Variants in SLC3A1 observed in about 807,000 individuals in gnomAD.
The protein encoded by SLC3A1 is solute carrier family 3 member 1, also known as amino acid transporter heavy chain SLC3A1.
Under a neutral mutation model 60.3 loss-of-function variants are expected in SLC3A1, and 78 were observed. That is an observed-to-expected ratio of 1.29 (90% CI 1.08 to 1.56). The LOEUF is 1.56. Among genes scored for constraint, SLC3A1 ranks in the 40% most tolerant of loss-of-function variants. SLC3A1 has a pLI of 0.00. For synonymous variants in SLC3A1, 392 were observed against 307.9 expected, an observed-to-expected ratio of 1.27 and a Z score of -2.86; for missense variants, 1,172 against 858.9, an observed-to-expected ratio of 1.36 and a Z score of -4.56.
At position 44,275,847 on chromosome 2, in the gene SLC3A1, C is replaced by T; in HGVS notation, c.312C>T (p.Thr104=). ...VASVLVLIAA[T]IAIIALSPKC... ...CTGTGCTGGTGCTCATCGCGGCCAC[C>T]ATAGCCATCATTGCCCTCTCTCCAA... The change falls in exon 1 of 10, where the codon ACC becomes ACT. Residue 104 remains threonine (T), a synonymous_variant. Transcript: ENST00000260649. 1 of 1,614,266 alleles carries T rather than the reference C, an allele frequency of 6.2e-7. No homozygotes were observed. The highest frequency in any genetic ancestry group is 8.5e-7 in the Non-Finnish European group (1 of 1,180,050).
intron 4 of SLC3A1, among the ~76,000 whole-genome samples, chr2:44,286,618 C>T (rs1457995003): frequency 2.1e-5 from 3 of 141,710 alleles, no homozygotes; most frequent in South Asian, 2.4e-4. Flanking sequence ...GTGAGCTGTG[C>T]GGTGTCTGTG....
intron 7 of SLC3A1, among the ~76,000 whole-genome samples, chr2:44,311,133 T>G (rs1672285930): frequency 6.6e-6 from 1 of 152,176 alleles, no homozygotes; most frequent in East Asian, 1.9e-4. Context: ...GGCCAGATAC[T>G]CTCAATTGAG....
intron 1 of SLC3A1, among the ~76,000 whole-genome samples, chr2:44,280,358 C>T (rs1391223153): frequency 6.6e-6 from 1 of 152,082 alleles, no homozygotes; most frequent in African/African-American, 2.4e-5. Context: ...CCTGCCTCAG[C>T]CTCCCAGGTA....
At chr2:44,278,268 C>A (rs1439909829) in intron 1 of SLC3A1, among the ~76,000 whole-genome samples, 1 of 151,710 alleles carries the variant, frequency 6.6e-6, no homozygotes, top group Non-Finnish European at 1.5e-5. Flanking sequence ...CACGGTGAAA[C>A]CCCGTCTCTA....
chr2:44,284,421 C>T (rs1262441828), intron 3 of SLC3A1, among the ~76,000 whole-genome samples: 1 of 152,140 alleles, frequency 6.6e-6, no homozygotes, highest in Non-Finnish European at 1.5e-5. Context: ...AATTGCTGTG[C>T]AGGATATCGC....
chr2:44,299,554 A>G (rs1671950381), intron 4 of SLC3A1, among the ~76,000 whole-genome samples: 1 of 152,168 alleles, frequency 6.6e-6, no homozygotes, highest in Non-Finnish European at 1.5e-5. Context: ...ATATTTAACT[A>G]TTGAACAATG....
intron 4 of SLC3A1, among the ~76,000 whole-genome samples, chr2:44,295,018 A>T (rs1016687106): frequency 2.0e-5 from 3 of 152,162 alleles, no homozygotes; most frequent in Non-Finnish European, 4.4e-5. Context: ...TGCTAGGATT[A>T]CAGGCATGAG....
chr2:44,279,303 T>A (rs1427045065), intron 1 of SLC3A1, among the ~76,000 whole-genome samples: 1 of 152,168 alleles, frequency 6.6e-6, no homozygotes, highest in African/African-American at 2.4e-5. Flanking sequence ...TCCTGCCTTC[T>A]CACCCTTTTT....
chr2:44,280,736 T>A lies in SLC3A1; in HGVS notation c.451T>A (p.Tyr151Asn), dbSNP rs376910755. The A allele has an allele frequency of 8.7e-6, 14 of 1,610,020 alleles. No homozygotes were observed. Among genetic ancestry groups the A allele is most frequent in the African/African-American group, 1.3e-5 (1 of 74,876 alleles). ...DLKGIQDKLD[Y>N]ITALNIKTVW... ...TTCAGGTATTCAAGATAAACTGGAC[T>A]ACATCACAGCTTTAAATATAAAAAC... Residue 151 changes from tyrosine (Y) to asparagine (N), a missense_variant, in exon 2 of 10, where the codon TAC becomes AAC. Tyr to Asn is a moderately radical substitution (Grantham distance 143, BLOSUM62 -2). Transcript: ENST00000260649.
intron 7 of SLC3A1, among the ~76,000 whole-genome samples, chr2:44,307,297 C>T (rs1399265241): frequency 6.6e-6 from 1 of 152,134 alleles, no homozygotes; most frequent in African/African-American, 2.4e-5. Context: ...ATGCTATGGA[C>T]ATTTGTGTAC....
Position 44,281,421 on chromosome 2 carries a change from C to T in SLC3A1, c.645C>T (p.His215=). The T allele has an allele frequency of 1.2e-6, 2 of 1,613,182 alleles. No individual in the cohort carries two copies. Among genetic ancestry groups the T allele is most frequent in the Non-Finnish European group, 1.7e-6 (2 of 1,179,140 alleles). Residue 215 remains histidine, a synonymous_variant, in exon 3 of 10, where the codon CAC becomes CAT. Transcript: ENST00000260649. ...TAATCATCGATTTCATACCAAACCA[C>T]ACGAGTGATAAACATATTTGGTTTC... The part of the protein sequence containing the change: ...LKLIIDFIPN[H]TSDKHIWFQL...
At chr2:44,292,885 T>A (rs1213771298) in intron 4 of SLC3A1, among the ~76,000 whole-genome samples, 1 of 152,154 alleles carries the variant, frequency 6.6e-6, no homozygotes, top group Non-Finnish European at 1.5e-5. Context: ...ATTTATTTTT[T>A]ATTTTTATTT....
At chr2:44,300,253 A>G (rs577435773) in intron 5 of SLC3A1, among the ~76,000 whole-genome samples, 163 bp downstream of exon 5, 3 of 152,338 alleles carry the variant, frequency 2.0e-5, no homozygotes, top group South Asian at 2.1e-4. Context: ...TTTGAAATGC[A>G]TATGCACTCG....
At chr2:44,277,103 CTTTTTTTTTT>C (rs1222833364) in intron 1 of SLC3A1, among the ~76,000 whole-genome samples, 1 of 94,838 alleles carries the variant, frequency 1.1e-5, no homozygotes, top group Non-Finnish European at 2.2e-5. Context: ...TCTCTCTCTT[CTTTTTTTTTT>C]TTTTTTTTTT....
intron 4 of SLC3A1, among the ~76,000 whole-genome samples, chr2:44,289,913 G>A (rs1283303448): frequency 1.3e-5 from 2 of 152,176 alleles, no homozygotes; most frequent in Non-Finnish European, 1.5e-5. Context: ...TTACAGGCAT[G>A]AGCCACTGCG....
chr2:44,297,190 C>G (rs1361235130), intron 4 of SLC3A1, among the ~76,000 whole-genome samples: 8 of 152,176 alleles, frequency 5.3e-5, no homozygotes, highest in South Asian at 2.1e-4. Context: ...TATATACATT[C>G]CTGTGAAACC....
chr2:44,303,390 C>T (rs951133325), intron 6 of SLC3A1, among the ~76,000 whole-genome samples: 3 of 151,332 alleles, frequency 2.0e-5, no homozygotes, highest in East Asian at 4.0e-4. Context: ...ATTACAGGCG[C>T]ATATCACCAC....
chr2:44,294,537 C>G (rs1035934576), intron 4 of SLC3A1, among the ~76,000 whole-genome samples: 1 of 151,590 alleles, frequency 6.6e-6, no homozygotes, highest in Non-Finnish European at 1.5e-5. Context: ...AGTCAATTGA[C>G]TCTGGCAGCA....
In SLC3A1 at chr2:44,281,431, A is replaced by C. The variant is rs372779980; in HGVS notation, c.655A>C (p.Lys219Gln). The stretch of plus-strand genomic sequence containing the variant: ...TTTCATACCAAACCACACGAGTGAT[A>C]AACATATTTGGTTTCAATTGAGTCG... Reference protein sequence around the residue: ...IDFIPNHTSDKHIWFQLSRTR... With the variant: ...IDFIPNHTSDQHIWFQLSRTR... Residue 219 changes from lysine (K) to glutamine (Q), a missense_variant, in exon 3 of 10, where the codon AAA (lysine) becomes CAA (glutamine). Physicochemically the swap from Lys to Gln is moderately conservative, Grantham distance 53. Coordinates refer to ENST00000260649, the MANE Select transcript of SLC3A1 (RefSeq NM_000341.4). 1 of 1,613,320 alleles carries C rather than the reference A, an allele frequency of 6.2e-7. No homozygotes were observed. The highest frequency in any genetic ancestry group is 8.5e-7 in the Non-Finnish European group (1 of 1,179,242).
Sources: gnomAD v4.1 joint callset for allele counts (sites outside exome capture counted in the v4.1 genomes callset) on GRCh38, gnomAD v4.1.1 for gene constraint, MANE v1.5 for transcripts, NCBI Gene and HGNC (gene_info 2026-07-23, HGNC 2026-07-21) for gene names.